The following PRR33 variants were observed in gnomAD, a reference collection of about 807,000 sequenced individuals.
PRR33 encodes proline-rich protein 33.
A neutral mutation model predicts 0.5 loss-of-function variants in PRR33; 1 was observed. The observed-to-expected ratio is 2.18, with a 90% CI of 0.77 to 10.34. PRR33 has a LOEUF of 10.34. PRR33 is among the 30% of genes most tolerant of loss of function. The probability of loss-of-function intolerance (pLI) is 0.13; values close to 1 mark genes in which losing one functional copy is unlikely to be tolerated. For synonymous variants in PRR33, 226 were observed against 110.0 expected (o/e 2.06, Z -6.60); for missense variants, 552 against 251.8 (o/e 2.19, Z -8.07).
rs762257038 is a variant in PRR33, at chr11:1,889,559, C to T, written c.1026G>A (p.Thr342=). 7.7e-4 allele frequency: 471 copies of T among 613,006 alleles called. 1 individual carries two copies. The highest frequency in any genetic ancestry group is 1.1e-3 in the Non-Finnish European group (372 of 334,700). The allele number at this position is 613,006 out of a possible 1,614,324, so 38.0% of individuals were successfully genotyped here. A position where few individuals can be genotyped will look rare whatever the true frequency, so the allele number is the denominator to read the frequency against. ...CCTCCAGCAGCTGCTTCTTGAGCCA[C>T]GTCCAGCCACTGAGCCGGGGCTTGG... is the stretch of plus-strand genomic sequence containing the variant. Residue 342 remains threonine, a synonymous_variant, in exon 1 of 1, where the codon ACG becomes ACA. Coordinates refer to ENST00000640310, the Ensembl canonical transcript of PRR33.
chr11:1,909,155 T>C, the PRR33 span, among the ~76,000 whole-genome samples: 1 of 152,066 alleles, frequency 6.6e-6, no homozygotes, highest in East Asian at 1.9e-4. Flanking sequence ...GAGGCTCGAG[T>C]CCAGGAGTTT....
the PRR33 span, among the ~76,000 whole-genome samples, chr11:1,916,412 G>A: frequency 2.0e-5 from 3 of 152,102 alleles, no homozygotes; most frequent in Admixed American, 6.5e-5. Flanking sequence ...CACAAGGGAG[G>A]TGACGTGCCC....
chr11:1,890,381 G>C, exon 1 of PRR33: 3 of 716,804 alleles, frequency 4.2e-6, no homozygotes, highest in Non-Finnish European at 7.8e-6. Context: ...CCTCACTCAC[G>C]GGGGACAGGG....
At chr11:1,906,737 C>G in the PRR33 span, among the ~76,000 whole-genome samples, 1 of 152,188 alleles carries the variant, frequency 6.6e-6, no homozygotes, top group African/African-American at 2.4e-5. Context: ...AGACACAATT[C>G]CTAGGTCCAT....
upstream of PRR33, among the ~76,000 whole-genome samples, chr11:1,893,082 G>A (rs370345501): frequency 6.8e-6 from 1 of 146,040 alleles, no homozygotes. Flanking sequence ...TGAATGGTTG[G>A]GTGGGTGAGT....
chr11:1,897,180 C>T, the PRR33 span, among the ~76,000 whole-genome samples: 2 of 152,194 alleles, frequency 1.3e-5, no homozygotes, highest in Non-Finnish European at 2.9e-5. This position sits in a 1 kb window ranked among gnomAD's most constrained non-coding sequence, Gnocchi z 4.0. Flanking sequence ...AGTCTGTTTA[C>T]GTCTCCAGTG....
upstream of PRR33, among the ~76,000 whole-genome samples, chr11:1,895,345 C>T (rs1399596318): frequency 1.3e-5 from 2 of 152,148 alleles, no homozygotes; most frequent in African/African-American, 4.8e-5. Flanking sequence ...GTTGTTCAGG[C>T]TGGTCTCGAA....
the PRR33 span, among the ~76,000 whole-genome samples, chr11:1,899,964 G>T: frequency 1.3e-5 from 2 of 151,932 alleles, no homozygotes; most frequent in Non-Finnish European, 2.9e-5. Context: ...AGGATTATGG[G>T]TTTGGCAGAC....
chr11:1,898,013 A>G, the PRR33 span, among the ~76,000 whole-genome samples: 1 of 152,216 alleles, frequency 6.6e-6, no homozygotes, highest in African/African-American at 2.4e-5. Flanking sequence ...TCAAACAAGC[A>G]GCCTGTTTGT....
upstream of PRR33, among the ~76,000 whole-genome samples, chr11:1,896,064 T>G (rs1032325923): frequency 1.3e-5 from 2 of 152,222 alleles, no homozygotes; most frequent in Non-Finnish European, 2.9e-5. Flanking sequence ...TTCTTTTGGA[T>G]CTACTTGAAT....
chr11:1,905,074 C>T, the PRR33 span, among the ~76,000 whole-genome samples: 1 of 145,686 alleles, frequency 6.9e-6, no homozygotes, highest in East Asian at 2.0e-4. Flanking sequence ...ATTTGCTTTT[C>T]TTTTTCTATT....
chr11:1,914,726 G>GTA, the PRR33 span, among the ~76,000 whole-genome samples: 1 of 148,524 alleles, frequency 6.7e-6, no homozygotes, highest in African/African-American at 2.5e-5. Flanking sequence ...ATGTTGCTCT[G>GTA]TGTGTGTGTT....
chr11:1,893,298 A>C (rs1849069396), upstream of PRR33, among the ~76,000 whole-genome samples: 4 of 149,044 alleles, frequency 2.7e-5, no homozygotes, highest in South Asian at 8.8e-4. Context: ...GAGTGGATGA[A>C]TAGGGGATGG....
chr11:1,889,203 T>A (rs1848879302), exon 1 of PRR33: 1 of 676,748 alleles, frequency 1.5e-6, no homozygotes, highest in African/African-American at 1.8e-5. Context: ...GGGGCTCAGC[T>A]CCAGGATGGA....
At chr11:1,901,340 C>CAATTAAGT in the PRR33 span, among the ~76,000 whole-genome samples, 1 of 150,572 alleles carries the variant, frequency 6.6e-6, no homozygotes, top group Non-Finnish European at 1.5e-5. Flanking sequence ...AAGATGGAGT[C>CAATTAAGT]AATTAAGTTA....
At chr11:1,914,204 G>T in the PRR33 span, among the ~76,000 whole-genome samples, 1 of 152,226 alleles carries the variant, frequency 6.6e-6, no homozygotes, top group Non-Finnish European at 1.5e-5. Context: ...GTGTTGTGGG[G>T]TCACACACCT....
upstream of PRR33, among the ~76,000 whole-genome samples, chr11:1,896,239 G>C (rs1232032054): frequency 6.6e-6 from 1 of 152,184 alleles, no homozygotes; most frequent in Non-Finnish European, 1.5e-5. Context: ...TATAAATGCA[G>C]GGAGAGTTGA....
the PRR33 span, among the ~76,000 whole-genome samples, chr11:1,913,969 C>T: frequency 6.6e-6 from 1 of 152,344 alleles, no homozygotes; most frequent in African/African-American, 2.4e-5. Flanking sequence ...ACCTCTGTGC[C>T]CAGCATAGCT....
exon 1 of PRR33, chr11:1,890,275 C>G: frequency 1.4e-6 from 1 of 712,952 alleles, no homozygotes; most frequent in South Asian, 1.5e-5. Flanking sequence ...ATGCGGGGAG[C>G]CTCGGCGGGG....
Sources: allele counts gnomAD v4.1 joint callset (sites outside exome capture counted in the v4.1 genomes callset), GRCh38; gene constraint gnomAD v4.1.1; non-coding constraint Gnocchi (gnomAD v3.1); transcripts MANE v1.5; gene names NCBI Gene and HGNC (gene_info 2026-07-23, HGNC 2026-07-21).